Variants in PPARG observed in about 807,000 individuals in gnomAD.
PPARG encodes peroxisome proliferator activated receptor gamma, also known as peroxisome proliferator-activated receptor gamma.
A neutral mutation model predicts 39.2 loss-of-function variants in PPARG; 17 were observed. The ratio of observed to expected loss-of-function variants is 0.43; its 90% confidence interval spans 0.30 to 0.65. PPARG has a LOEUF of 0.65. Among genes scored for constraint, PPARG ranks in the 30% least tolerant of loss-of-function variants. PPARG has a pLI of 0.13. For synonymous variants in PPARG, 223 were observed against 215.7 expected, an observed-to-expected ratio of 1.03 and a Z score of -0.30; for missense variants, 406 against 585.9, an observed-to-expected ratio of 0.69 and a Z score of 3.17.
chr3:12,418,000 G>T (rs1194594095), intron 7 of PPARG, among the ~76,000 whole-genome samples: 1 of 132,364 alleles, frequency 7.6e-6, no homozygotes. Context: ...GCTTCTAACT[G>T]CAGTTAGTAA....
In PPARG at chr3:12,381,399, C is replaced by A. The variant is rs1452375580; in HGVS notation, c.298C>A (p.Pro100Thr). The change falls in exon 4 of 8, where the codon CCT becomes ACT. Residue 100 changes from proline (P) to threonine (T), a missense_variant. By Grantham distance (38) the Pro-to-Thr change is conservative. Transcript: ENST00000651735. ...GCTCTACAATAAGCCTCATGAAGAG[C>A]CTTCCAACTCCCTCATGGCAATTGA... is the stretch of plus-strand genomic sequence containing the variant. ...TQLYNKPHEE[P>T]SNSLMAIECR... 1 of 1,613,094 alleles carries A rather than the reference C, an allele frequency of 6.2e-7. No individual in the cohort carries two copies. Among genetic ancestry groups the A allele is most frequent in the Admixed American group, 1.7e-5 (1 of 59,900 alleles).
intron 2 of PPARG, among the ~76,000 whole-genome samples, chr3:12,343,353 T>C (rs1052468163): frequency 1.3e-5 from 2 of 152,206 alleles, no homozygotes; most frequent in African/African-American, 4.8e-5. Context: ...TGAAGGCTTT[T>C]TGGATTCCTT....
intron 1 of PPARG, among the ~76,000 whole-genome samples, chr3:12,310,612 C>T (rs1316261808): frequency 2.4e-5 from 3 of 122,784 alleles, no homozygotes; most frequent in African/African-American, 9.0e-5. Context: ...TACAGGCGCC[C>T]GCCACTACGC....
At chr3:12,374,058 A>T (rs762510482) in intron 2 of PPARG, among the ~76,000 whole-genome samples, 1 of 152,168 alleles carries the variant, frequency 6.6e-6, no homozygotes, top group Non-Finnish European at 1.5e-5. Flanking sequence ...TGGGATAACC[A>T]GTGGAAATAA....
At chr3:12,413,583 T>C (rs2125276228) in intron 6 of PPARG, among the ~76,000 whole-genome samples, 1 of 152,046 alleles carries the variant, frequency 6.6e-6, no homozygotes, top group South Asian at 2.1e-4. Context: ...CAGAGGTGGG[T>C]GGATCACCTG....
intron 1 of PPARG, among the ~76,000 whole-genome samples, chr3:12,295,919 G>T (rs1358931860): frequency 6.6e-6 from 1 of 152,060 alleles, no homozygotes; most frequent in South Asian, 2.1e-4. Flanking sequence ...TTCTATTCCA[G>T]CATATAGCAC....
At position 12,389,754 on chromosome 3, in the gene PPARG, A is replaced by G. The variant is rs373018402; in HGVS notation, c.391-2860A>G. Reference sequence around the variant, plus strand: ...AAAAATACAACAAAAAAAAAGAGCCAGGTATGGTGGTGCATGCCTATAATC... The same window carrying G: ...AAAAATACAACAAAAAAAAAGAGCCGGGTATGGTGGTGCATGCCTATAATC... On this transcript the variant is annotated intron_variant, in intron 4 of 7. Coordinates refer to ENST00000651735, the MANE Select transcript of PPARG (RefSeq NM_138711.6). Among the ~76,000 whole-genome samples, 10 of 152,182 alleles carry G rather than the reference A, an allele frequency of 6.6e-5. No homozygotes were observed. In the East Asian group the frequency reaches 9.6e-4, roughly 15 times the overall value.
intron 2 of PPARG, among the ~76,000 whole-genome samples, chr3:12,351,121 A>G (rs2125092889): frequency 6.6e-6 from 1 of 152,368 alleles, no homozygotes; most frequent in South Asian, 2.1e-4. Context: ...AACTTTGCCC[A>G]AATAAGCTTT....
intron 7 of PPARG, among the ~76,000 whole-genome samples, chr3:12,418,170 T>C (rs2125289102): frequency 6.6e-6 from 1 of 152,282 alleles, no homozygotes; most frequent in Admixed American, 6.5e-5. Flanking sequence ...GGTCTCATTA[T>C]GTTGCCCAGG....
At chr3:12,363,376 T>C (rs2048916185) in intron 2 of PPARG, among the ~76,000 whole-genome samples, 1 of 152,260 alleles carries the variant, frequency 6.6e-6, no homozygotes, top group South Asian at 2.1e-4. Flanking sequence ...GATCTGGCTG[T>C]ATCTGTTTTG....
intron 7 of PPARG, among the ~76,000 whole-genome samples, chr3:12,418,450 A>G (rs2051152432): frequency 6.6e-6 from 1 of 152,226 alleles, no homozygotes; most frequent in South Asian, 2.1e-4. Context: ...TAAACTGTAT[A>G]TAACTGCACA....
At chr3:12,332,304 C>A (rs1422561300) in intron 2 of PPARG, among the ~76,000 whole-genome samples, 1 of 152,038 alleles carries the variant, frequency 6.6e-6, no homozygotes, top group Non-Finnish European at 1.5e-5. Flanking sequence ...ATTTAGATAG[C>A]CCTGAATTGA....
chr3:12,347,231 T>C (rs2048352548), intron 2 of PPARG, among the ~76,000 whole-genome samples: 1 of 150,172 alleles, frequency 6.7e-6, no homozygotes, highest in Non-Finnish European at 1.5e-5. Context: ...GCAACTGAAA[T>C]CCTAGCTGCT....
chr3:12,333,562 T>G (rs2047922700), intron 2 of PPARG, among the ~76,000 whole-genome samples: 1 of 152,096 alleles, frequency 6.6e-6, no homozygotes, highest in South Asian at 2.1e-4. Context: ...CCTACCGGGC[T>G]CGAGTGATCC....
At chr3:12,406,402 A>G (rs1033588564) in intron 6 of PPARG, 3 of 372,860 alleles carry the variant, frequency 8.0e-6, no homozygotes, top group Non-Finnish European at 5.1e-6. Flanking sequence ...CTTTCTCGGC[A>G]TCAAAATAAC....
intron 2 of PPARG, among the ~76,000 whole-genome samples, chr3:12,374,453 G>A (rs1329320068): frequency 6.6e-6 from 1 of 152,068 alleles, no homozygotes; most frequent in African/African-American, 2.4e-5. Context: ...ACAAAAATTA[G>A]CAGGGCATGG....
chr3:12,324,760 T>G (rs1332649445), intron 2 of PPARG, among the ~76,000 whole-genome samples: 3 of 152,160 alleles, frequency 2.0e-5, no homozygotes, highest in Non-Finnish European at 4.4e-5. Context: ...ACAAAGAAAC[T>G]TTTAGAACTT....
chr3:12,417,073 G>C lies in PPARG; in HGVS notation c.1099G>C (p.Glu367Gln). 3.1e-6 allele frequency: 5 copies of C among 1,613,666 alleles called. No individual in the cohort carries two copies. The highest frequency in any genetic ancestry group is 4.2e-6 in the Non-Finnish European group (5 of 1,179,626). Residue 367 changes from glutamate to glutamine, a missense_variant, in exon 7 of 8, where the codon GAG becomes CAG. By Grantham distance (29) the Glu-to-Gln change is conservative (BLOSUM62 2). Around this residue, in one of 2 missense-constraint regions of PPARG, gnomAD observed 275 missense variants for 458.0 expected, o/e 0.60. Coordinates refer to ENST00000651735, the MANE Select transcript of PPARG (RefSeq NM_138711.6). ...PFGDFMEPKF[E>Q]FAVKFNALEL... ...TGGTGACTTTATGGAGCCCAAGTTT[G>C]AGTTTGCTGTGAAGTTCAATGCACT... is the stretch of plus-strand genomic sequence containing the variant.
intron 2 of PPARG, among the ~76,000 whole-genome samples, chr3:12,334,301 G>A (rs2047948647): frequency 6.6e-6 from 1 of 151,178 alleles, no homozygotes; most frequent in African/African-American, 2.4e-5. Context: ...TACGATTTTG[G>A]CTCACTGCAA....
Sources: gnomAD v4.1 joint callset for allele counts (sites outside exome capture counted in the v4.1 genomes callset) on GRCh38, gnomAD v4.1.1 for gene constraint, gnomAD v4.1.1 regional missense constraint, MANE v1.5 for transcripts, NCBI Gene and HGNC (gene_info 2026-07-23, HGNC 2026-07-21) for gene names.